The following PLAA variants were observed in gnomAD, a reference collection of about 807,000 sequenced individuals.
The protein encoded by PLAA is phospholipase A-2-activating protein.
Under a neutral mutation model 84.1 loss-of-function variants are expected in PLAA, and 48 were observed. That is an observed-to-expected ratio of 0.57 (90% confidence interval 0.45 to 0.73). The LOEUF (loss-of-function observed/expected upper bound fraction) is 0.73, where lower values mean the gene tolerates loss of function less well. Among genes scored for constraint, PLAA ranks in the 30% least tolerant of loss-of-function variants. The pLI, the probability that PLAA is intolerant of heterozygous loss-of-function variation, is 0.00. For synonymous variants in PLAA, 392 were observed against 336.6 expected (o/e 1.16, Z -1.80); for missense variants, 903 against 954.7 (o/e 0.95, Z 0.71).
chr9:26,912,739 G>A (rs949129390), intron 11 of PLAA, among the ~76,000 whole-genome samples: 4 of 152,048 alleles, frequency 2.6e-5, no homozygotes, highest in Non-Finnish European at 4.4e-5. Context: ...CCTCAACTTT[G>A]CAAATGAGAA....
Position 26,905,408 on chromosome 9 carries a change from T to G in PLAA, c.*103A>C. On this transcript the variant is annotated 3_prime_UTR_variant, in exon 14 of 14. Coordinates refer to ENST00000397292, the MANE Select transcript of PLAA (RefSeq NM_001031689.3). ...ACTTTACAAGATGTAAAATTTTACT[T>G]AATCCACCGTATTCTCTTTTTTTAA... The G allele has an allele frequency of 1.1e-6, 1 of 919,970 alleles. No homozygotes were observed. Among genetic ancestry groups the G allele is most frequent in the East Asian group, 2.6e-5 (1 of 39,204 alleles). The allele number at this position is 919,970 out of a possible 1,614,324, so 57.0% of individuals were successfully genotyped here.
At chr9:26,945,892 A>G (rs1825683266) in intron 1 of PLAA, among the ~76,000 whole-genome samples, 1 of 152,214 alleles carries the variant, frequency 6.6e-6, no homozygotes, top group Non-Finnish European at 1.5e-5. Context: ...TTCCTTTAAT[A>G]TATCTCTCCA....
chr9:26,941,169 A>AAAAAAAC (rs1563921251), intron 1 of PLAA, among the ~76,000 whole-genome samples: 6 of 144,764 alleles, frequency 4.1e-5, no homozygotes, highest in South Asian at 2.2e-4. Context: ...AAAAAAAAAC[A>AAAAAAAC]AAAACAAAAC....
Position 26,905,871 on chromosome 9 carries a change from C to G in PLAA, c.2028G>C (p.Met676Ile). Residue 676 changes from methionine (M) to isoleucine (I), a missense_variant, in exon 14 of 14, where the codon ATG (methionine) becomes ATC (isoleucine). By Grantham distance (10) the Met-to-Ile change is conservative. Transcript: ENST00000397292. The part of the protein sequence containing the change: ...CFVGQAGQKL[M>I]MSQRESLMSH... ...ACATCAGTGATTCCCTCTGGGACAT[C>G]ATGAGTTTTTGTCCTGCCTGGCCAA... 6.2e-7 allele frequency: 1 copy of G among 1,614,128 alleles called. No individual in the cohort carries two copies. Among genetic ancestry groups the G allele is most frequent in the East Asian group, 2.2e-5 (1 of 44,868 alleles).
At chr9:26,922,684 TGAGACAGAG>T (rs1824809319) in intron 7 of PLAA, among the ~76,000 whole-genome samples, 1 of 150,962 alleles carries the variant, frequency 6.6e-6, no homozygotes, top group Non-Finnish European at 1.5e-5. Flanking sequence ...TTTTTTTTTT[TGAGACAGAG>T]TCACACTCTG....
chr9:26,925,715 T>C lies in PLAA; in HGVS notation c.869+110A>G. 3 of 861,496 alleles carry C rather than the reference T, an allele frequency of 3.5e-6. No individual in the cohort carries two copies. The East Asian group carries it at 7.3e-5, about 21-fold the overall frequency. 53.4% of individuals were successfully genotyped at this position (861,496 alleles called of 1,614,324 possible). ...TTTTGTTTAGTAATTGAAGTGTCCA[T>C]ATAGTCTCCTCAAGTCACGTGAAAT... On this transcript the variant is annotated intron_variant, in intron 6 of 13. Coordinates refer to ENST00000397292, the MANE Select transcript of PLAA (RefSeq NM_001031689.3).
rs2131358987 is a variant in PLAA, at chr9:26,904,021, GA to G, written c.*1489del. On this transcript the variant is annotated 3_prime_UTR_variant, in exon 14 of 14. Coordinates refer to ENST00000397292, the MANE Select transcript of PLAA (RefSeq NM_001031689.3). ...AACCACCTAAACCCAATCAAAAAAC[GA>G]AAAGTATAGGTACTCAACTGAGCCA... 2 of 153,724 alleles carry G rather than the reference GA, an allele frequency of 1.3e-5. No individual in the cohort carries two copies. The highest frequency in any genetic ancestry group is 3.4e-3 in the Middle Eastern group (1 of 294). The allele number at this position is 153,724 out of a possible 1,614,324, so 9.5% of individuals were successfully genotyped here.
chr9:26,924,403 G>C (rs1418643101), intron 6 of PLAA, among the ~76,000 whole-genome samples: 1 of 151,996 alleles, frequency 6.6e-6, no homozygotes, highest in Admixed American at 6.6e-5. Flanking sequence ...CAAAGTGCTG[G>C]GATTACAAGT....
At chr9:26,945,771 C>T (rs1825676872) in intron 1 of PLAA, among the ~76,000 whole-genome samples, 1 of 152,234 alleles carries the variant, frequency 6.6e-6, no homozygotes, top group Non-Finnish European at 1.5e-5. Flanking sequence ...GCTCCTCCAG[C>T]TGCCTGGAAT....
Position 26,935,232 on chromosome 9 carries a change from T to C in PLAA, c.150-26A>G, listed in dbSNP as rs369570161. 4.8e-4 allele frequency: 687 copies of C among 1,424,422 alleles called. 2 individuals carry two copies. Among genetic ancestry groups the C allele is most frequent in the Non-Finnish European group, 3.9e-4 (408 of 1,057,486 alleles). 88.2% of individuals were successfully genotyped at this position (1,424,422 alleles called of 1,614,324 possible). A position where few individuals can be genotyped will look rare whatever the true frequency, so the allele number is the denominator to read the frequency against. ...CTGGAAAGACAAGATAATTAATAGATACATATTCGTACCCTGACTTAGCCT... is the reference window on the plus strand; with the variant it reads ...CTGGAAAGACAAGATAATTAATAGACACATATTCGTACCCTGACTTAGCCT... On this transcript the variant is annotated intron_variant, in intron 1 of 13. Transcript: ENST00000397292.
Position 26,926,251 on chromosome 9 carries a change from G to C in PLAA, c.733+142C>G, listed in dbSNP as rs1824956148. On this transcript the variant is annotated intron_variant, in intron 5 of 13. Coordinates refer to ENST00000397292, the MANE Select transcript of PLAA (RefSeq NM_001031689.3). ...TTTTCTTCTTTGTAAACAGGAGAAAGATACTTAATGAAATAAATTTACTAA... is the reference window on the plus strand; with the variant it reads ...TTTTCTTCTTTGTAAACAGGAGAAACATACTTAATGAAATAAATTTACTAA... The C allele has an allele frequency of 8.1e-6, 5 of 615,112 alleles. No homozygotes were observed. In the South Asian group the frequency reaches 1.2e-4, roughly 15 times the overall value. 38.1% of individuals were successfully genotyped at this position (615,112 alleles called of 1,614,324 possible).
rs570337310 is a variant in PLAA at position 26,933,927 on chromosome 9, A to G, written c.343+1086T>C. 2.6e-5 allele frequency among the ~76,000 whole-genome samples: 4 copies of G among 152,222 alleles called. No individual in the cohort carries two copies. The South Asian group carries it at 6.2e-4, about 24-fold the overall frequency. On this transcript the variant is annotated intron_variant, in intron 2 of 13. Transcript: ENST00000397292. ...GGGCTAAAGCAATTTTCTCACCTCA[A>G]CTTACTGAGTAGCTGGGACTACAAG...
At chr9:26,912,194 G>C (rs2131369341) in intron 11 of PLAA, among the ~76,000 whole-genome samples, 1 of 151,872 alleles carries the variant, frequency 6.6e-6, no homozygotes, top group South Asian at 2.1e-4. Context: ...AAATAAAAAA[G>C]AAAAGGGAGA....
At chr9:26,917,687 T>C (rs546891869) in intron 9 of PLAA, among the ~76,000 whole-genome samples, 2 of 152,208 alleles carry the variant, frequency 1.3e-5, no homozygotes, top group South Asian at 4.2e-4. Context: ...AGAAGAGAAT[T>C]AGAAAAGGGA....
chr9:26,917,527 T>C (rs184138795), intron 9 of PLAA, among the ~76,000 whole-genome samples: 79 of 152,338 alleles, frequency 5.2e-4, no homozygotes, highest in Middle Eastern at 3.4e-3. Flanking sequence ...GAGTTCCTGC[T>C]GTTGTTATTG....
chr9:26,934,617 T>C lies in PLAA; in HGVS notation c.343+396A>G, dbSNP rs1364644657. ...GCTTCAGCCTCCTGAGTAGCTGGGA[T>C]TACTGGTGGGCATCACCACACCTGG... On this transcript the variant is annotated intron_variant, in intron 2 of 13. Transcript: ENST00000397292. 2.6e-5 allele frequency among the ~76,000 whole-genome samples: 4 copies of C among 151,996 alleles called. No homozygotes were observed. The East Asian group carries it at 7.7e-4, about 29-fold the overall frequency.
chr9:26,931,312 C>T (rs552742030), intron 2 of PLAA, among the ~76,000 whole-genome samples: 35 of 152,160 alleles, frequency 2.3e-4, no homozygotes, highest in African/African-American at 7.5e-4. Context: ...AAAGTCTTGG[C>T]GATCAAATGC....
intron 2 of PLAA, among the ~76,000 whole-genome samples, chr9:26,930,197 C>T (rs947385695): frequency 5.3e-5 from 8 of 150,972 alleles, no homozygotes; most frequent in East Asian, 2.0e-4. Context: ...CTCTGCCTCC[C>T]GGGTTCACGC....
At chr9:26,927,574 T>C (rs566335941) in intron 4 of PLAA, among the ~76,000 whole-genome samples, 19 of 152,326 alleles carry the variant, frequency 1.2e-4, no homozygotes, top group South Asian at 6.2e-4. Context: ...ATGATATTAC[T>C]ATTAGATAGC....
Sources: gnomAD v4.1 joint callset for allele counts (sites outside exome capture counted in the v4.1 genomes callset) on GRCh38, gnomAD v4.1.1 for gene constraint, MANE v1.5 for transcripts, NCBI Gene and HGNC (gene_info 2026-07-23, HGNC 2026-07-21) for gene names.